Variants in SAMSN1 observed in about 807,000 individuals in gnomAD.
The protein encoded by SAMSN1 is SAM domain, SH3 domain and nuclear localization signals 1.
A neutral mutation model predicts 42.0 loss-of-function variants in SAMSN1; 31 were observed. The ratio of observed to expected loss-of-function variants is 0.74; its 90% CI spans 0.55 to 1.00. SAMSN1 has a LOEUF of 1.00. SAMSN1 is among the 50% of genes least tolerant of loss of function. The pLI, the probability that SAMSN1 is intolerant of heterozygous loss-of-function variation, is 0.00. For synonymous variants in SAMSN1, 178 were observed against 151.9 expected (o/e 1.17, Z -1.26); for missense variants, 464 against 439.4 (o/e 1.06, Z -0.50).
chr21:14,510,010 G>A (rs1273016057), intron 5 of SAMSN1, among the ~76,000 whole-genome samples: 3 of 151,970 alleles, frequency 2.0e-5, no homozygotes, highest in Admixed American at 1.3e-4. Context: ...GTGGTGGCGG[G>A]CGCCTGTAGT....
Position 14,577,283 on chromosome 21 carries a change from T to TATA in SAMSN1, c.261+4852_261+4853insTAT, listed in dbSNP as rs1568816274. Among the ~76,000 whole-genome samples the TATA allele has an allele frequency of 2.3e-4, 13 of 55,468 alleles. 1 individual carries two copies. The highest frequency in any genetic ancestry group is 4.6e-4 in the Non-Finnish European group (13 of 28,554). 36.4% of individuals were successfully genotyped at this position (55,468 alleles called of 152,430 possible). On this transcript the variant is annotated intron_variant, in intron 2 of 8. Coordinates refer to the SAMSN1 transcript ENST00000285670. ...ATATATATATATATATATATATATA[T>TATA]ATTTTTTTTTTAGAAGAGACAGGGT...
At chr21:14,535,068 T>C (rs558477737) in intron 1 of SAMSN1, among the ~76,000 whole-genome samples, 224 of 151,750 alleles carry the variant, frequency 1.5e-3, no homozygotes, top group African/African-American at 4.9e-3. Flanking sequence ...TGTATGAGAG[T>C]GGTCAGATCA....
At chr21:14,550,558 C>T (rs1980562960), upstream of SAMSN1, among the ~76,000 whole-genome samples, 1 of 152,068 alleles carries the variant, frequency 6.6e-6, no homozygotes, top group Admixed American at 6.6e-5. Flanking sequence ...CTTCTAAAAA[C>T]GGACCTGAAG....
intron 1 of SAMSN1, among the ~76,000 whole-genome samples, chr21:14,657,921 T>TGTGCTCTCTACTG (rs1210047368): frequency 3.3e-5 from 5 of 151,854 alleles, no homozygotes; most frequent in Admixed American, 2.6e-4. Flanking sequence ...CTTATGTTAA[T>TGTGCTCTCTACTG]CTTATGTGCA....
At chr21:14,577,340 C>T (rs1381340913) in intron 2 of SAMSN1, among the ~76,000 whole-genome samples, 1 of 138,444 alleles carries the variant, frequency 7.2e-6, no homozygotes, top group East Asian at 2.1e-4. Context: ...GTCTCGATCT[C>T]CTGACCTCAT....
Position 14,531,528 on chromosome 21 carries a change from T to C in SAMSN1, c.58-10307A>G, listed in dbSNP as rs371703271. 2.6e-5 allele frequency among the ~76,000 whole-genome samples: 4 copies of C among 152,128 alleles called. No homozygotes were observed. In the East Asian group the frequency reaches 7.7e-4, roughly 29 times the overall value. On this transcript the variant is annotated intron_variant, in intron 1 of 7. Coordinates refer to ENST00000400566, the MANE Select transcript of SAMSN1 (RefSeq NM_022136.5). Reference sequence around the variant, plus strand: ...AGGAAATCTCAAAAATTTTTTATTATCTAACATGATGGAAGAATGTGCAGT... The same window carrying C: ...AGGAAATCTCAAAAATTTTTTATTACCTAACATGATGGAAGAATGTGCAGT...
intron 2 of SAMSN1, among the ~76,000 whole-genome samples, chr21:14,581,883 G>T (rs1190841456): frequency 1.3e-5 from 2 of 152,092 alleles, no homozygotes; most frequent in African/African-American, 4.8e-5. Flanking sequence ...AACACACGAA[G>T]TCTTCCTTCA....
intron 2 of SAMSN1, among the ~76,000 whole-genome samples, chr21:14,519,026 C>T (rs755200415): frequency 3.9e-5 from 6 of 152,160 alleles, no homozygotes; most frequent in Non-Finnish European, 7.4e-5. Context: ...ACAGAAGCTA[C>T]AAAGAAATTA....
chr21:14,500,384 G>A lies in SAMSN1; in HGVS notation c.768+145C>T, dbSNP rs898557444. The A allele has an allele frequency of 5.2e-5, 34 of 658,280 alleles. No individual in the cohort carries two copies. The East Asian group carries it at 9.3e-4, about 18-fold the overall frequency. The allele number at this position is 658,280 out of a possible 1,614,324, so 40.8% of individuals were successfully genotyped here. ...CCTTGCATAAAAAAGTAATAAAAGAGAAATAAGAGCTCTTCTAGGAAAACA... is the reference window on the plus strand; with the variant it reads ...CCTTGCATAAAAAAGTAATAAAAGAAAAATAAGAGCTCTTCTAGGAAAACA... On this transcript the variant is annotated intron_variant, in intron 6 of 7. Transcript: ENST00000400566.
intron 2 of SAMSN1, among the ~76,000 whole-genome samples, chr21:14,625,768 GA>G (rs1215812894): frequency 1.3e-5 from 2 of 152,076 alleles, no homozygotes; most frequent in Non-Finnish European, 2.9e-5. Flanking sequence ...CACAGAATTG[GA>G]AAAAACTACT....
intron 1 of SAMSN1, among the ~76,000 whole-genome samples, chr21:14,655,242 T>G (rs1983897377): frequency 1.3e-5 from 2 of 151,764 alleles, no homozygotes; most frequent in South Asian, 4.2e-4. Flanking sequence ...AATTAGAAAA[T>G]GCTGAGTTCA....
intron 5 of SAMSN1, among the ~76,000 whole-genome samples, chr21:14,507,828 A>G (rs1243892268): frequency 7.1e-6 from 1 of 141,346 alleles, no homozygotes; most frequent in Non-Finnish European, 1.5e-5. Context: ...CCAAAACAGC[A>G]TGGTACTGGT....
At chr21:14,493,292 A>T (rs1297117130) in intron 7 of SAMSN1, among the ~76,000 whole-genome samples, 1 of 152,198 alleles carries the variant, frequency 6.6e-6, no homozygotes, top group Non-Finnish European at 1.5e-5. Context: ...GATTCTGTAA[A>T]GTTTGCTTAT....
At chr21:14,587,744 C>CTCAT (rs1568821101), upstream of SAMSN1, among the ~76,000 whole-genome samples, 2 of 150,624 alleles carry the variant, frequency 1.3e-5, no homozygotes, top group African/African-American at 4.9e-5. Context: ...TATCCATCAC[C>CTCAT]TTATTTATTT....
At chr21:14,583,999 ATTT>A (rs34155133), upstream of SAMSN1, among the ~76,000 whole-genome samples, 1 of 149,122 alleles carries the variant, frequency 6.7e-6, no homozygotes, top group East Asian at 2.0e-4. Context: ...TGGTTTTACC[ATTT>A]TTTTTTTTTA....
At chr21:14,624,358 A>C (rs1379745162) in intron 2 of SAMSN1, among the ~76,000 whole-genome samples, 1 of 152,218 alleles carries the variant, frequency 6.6e-6, no homozygotes, top group African/African-American at 2.4e-5. Flanking sequence ...TGAAAAGATC[A>C]ACAAAATTGA....
At chr21:14,636,472 C>T (rs1307360268) in intron 2 of SAMSN1, among the ~76,000 whole-genome samples, 1 of 152,162 alleles carries the variant, frequency 6.6e-6, no homozygotes, top group Admixed American at 6.5e-5. Flanking sequence ...GCCTAGACTC[C>T]ATCTGTCACT....
At chr21:14,609,211 TG>T (rs1409051186) in intron 5 of SAMSN1, among the ~76,000 whole-genome samples, 1 of 152,250 alleles carries the variant, frequency 6.6e-6, no homozygotes, top group East Asian at 1.9e-4. Flanking sequence ...TCTTTTCAAT[TG>T]CTTATTTGCT....
chr21:14,565,850 A>G (rs185603314), intron 2 of SAMSN1, among the ~76,000 whole-genome samples: 34 of 152,344 alleles, frequency 2.2e-4, no homozygotes, highest in African/African-American at 8.2e-4. Context: ...CTCTGAACAT[A>G]TGAGGAGTTT....
Sources: gnomAD v4.1 joint callset for allele counts (sites outside exome capture counted in the v4.1 genomes callset) on GRCh38, gnomAD v4.1.1 for gene constraint, MANE v1.5 for transcripts, NCBI Gene and HGNC (gene_info 2026-07-23, HGNC 2026-07-21) for gene names.